The following UBOX5 variants were observed in gnomAD, a reference collection of about 807,000 sequenced individuals.
The protein encoded by UBOX5 is RING finger protein 37.
A neutral mutation model predicts 39.0 loss-of-function variants in UBOX5; 28 were observed. The observed-to-expected ratio is 0.72, with a 90% CI of 0.53 to 0.98. UBOX5 has a LOEUF of 0.98. Ranked by LOEUF, UBOX5 falls within the 50% of genes least tolerant of loss-of-function variation. UBOX5 has a pLI of 0.00. For synonymous variants in UBOX5, 283 were observed against 275.5 expected, an observed-to-expected ratio of 1.03 and a Z score of -0.27; for missense variants, 585 against 674.4, an observed-to-expected ratio of 0.87 and a Z score of 1.47.
At chr20:3,150,055 C>T (rs1402100532) in intron 1 of UBOX5, among the ~76,000 whole-genome samples, 3 of 151,880 alleles carry the variant, frequency 2.0e-5, no homozygotes, top group East Asian at 1.9e-4. Flanking sequence ...GTTATACCTA[C>T]GATAACCCTC....
At chr20:3,143,215 T>C (rs1471156612) in intron 1 of UBOX5, among the ~76,000 whole-genome samples, 2 of 150,464 alleles carry the variant, frequency 1.3e-5, no homozygotes, top group Non-Finnish European at 2.9e-5. Context: ...GCTCAAGTGA[T>C]TCTCATGCTT....
At chr20:3,130,488 G>C (rs1420632077) in intron 1 of UBOX5, among the ~76,000 whole-genome samples, 1 of 151,894 alleles carries the variant, frequency 6.6e-6, no homozygotes, top group Non-Finnish European at 1.5e-5. Context: ...GGAACTACAG[G>C]TATGGGTCAC....
chr20:3,112,731 G>A (rs1236470686), intron 4 of UBOX5, among the ~76,000 whole-genome samples: 1 of 152,098 alleles, frequency 6.6e-6, no homozygotes, highest in South Asian at 2.1e-4. Flanking sequence ...CTGGGAGGCC[G>A]AGGTGGGTGG....
In UBOX5 at chr20:3,149,273, T is replaced by A; in HGVS notation, c.-42+10493A>T. On this transcript the variant is annotated intron_variant, in intron 1 of 4. Coordinates refer to ENST00000217173, the MANE Select transcript of UBOX5 (RefSeq NM_014948.4). This position sits in a 1 kb window ranked among gnomAD's most constrained non-coding sequence, Gnocchi z 4.1. ...TTGGTGCCAGATACTGAAAAAAGGG[T>A]AGATGAAGAATGAGTGGCTTCTACC... 1.8e-6 allele frequency: 1 copy of A among 568,056 alleles called. No individual in the cohort carries two copies. Among genetic ancestry groups the A allele is most frequent in the Non-Finnish European group, 3.1e-6 (1 of 321,810 alleles). 35.2% of individuals were successfully genotyped at this position (568,056 alleles called of 1,614,324 possible).
In UBOX5 at chr20:3,125,843, C is replaced by T. The variant is rs190709666; in HGVS notation, c.-41-2437G>A. Among the ~76,000 whole-genome samples, 707 of 149,906 alleles carry T rather than the reference C, an allele frequency of 4.7e-3. 2 individuals are homozygous for T. Among genetic ancestry groups the T allele is most frequent in the African/African-American group, 0.016 (667 of 40,688 alleles). ...GAGGAGCGCCTCTGCCCGGCTGCCC[C>T]GTTTGGGATGTGAGGAGCGCCTCTG... On this transcript the variant is annotated intron_variant, in intron 1 of 4. Transcript: ENST00000217173.
At chr20:3,113,156 G>A (rs900886666) in intron 4 of UBOX5, among the ~76,000 whole-genome samples, 4 of 151,028 alleles carry the variant, frequency 2.6e-5, no homozygotes, top group Admixed American at 6.6e-5. Context: ...GCTTGGTGGC[G>A]TTTGCCTGTA....
At chr20:3,137,136 G>C (rs183775879) in intron 1 of UBOX5, among the ~76,000 whole-genome samples, 1 of 151,222 alleles carries the variant, frequency 6.6e-6, no homozygotes, top group African/African-American at 2.4e-5. Context: ...GTAGAGACAG[G>C]GTTTCACCAT....
chr20:3,149,523 A>G lies in UBOX5; in HGVS notation c.-42+10243T>C, dbSNP rs1322923012. The stretch of plus-strand genomic sequence containing the variant: ...ACTTCCTTCACTGTACAAGGCAAGC[A>G]GTGACGGCTAAAGAAGAGACGGTGC... On this transcript the variant is annotated intron_variant, in intron 1 of 4. Coordinates refer to ENST00000217173, the MANE Select transcript of UBOX5 (RefSeq NM_014948.4). This position sits in a 1 kb window ranked among gnomAD's most constrained non-coding sequence, Gnocchi z 4.1. Among the ~76,000 whole-genome samples the G allele has an allele frequency of 6.6e-6, 1 of 152,204 alleles. No homozygotes were observed. The highest frequency in any genetic ancestry group is 1.5e-5 in the Non-Finnish European group (1 of 68,036).
intron 1 of UBOX5, chr20:3,146,861 T>C (rs1272726938): frequency 6.2e-7 from 1 of 1,614,066 alleles, no homozygotes; most frequent in Non-Finnish European, 8.5e-7. Flanking sequence ...CCATTCCCAG[T>C]AGGATAACTC....
At chr20:3,114,751 C>T (rs796548043) in intron 4 of UBOX5, among the ~76,000 whole-genome samples, 1 of 152,128 alleles carries the variant, frequency 6.6e-6, no homozygotes, top group African/African-American at 2.4e-5. Context: ...AGTTCGAGAC[C>T]AGCCTGGCAA....
intron 1 of UBOX5, among the ~76,000 whole-genome samples, chr20:3,131,962 C>T (rs7265778): frequency 1.2e-4 from 17 of 136,118 alleles, no homozygotes; most frequent in Admixed American, 2.5e-4. Flanking sequence ...GAGCCGAGAT[C>T]GAGCCACTGC....
intron 1 of UBOX5, chr20:3,146,900 T>C (rs765169788): frequency 1.2e-6 from 2 of 1,614,102 alleles, no homozygotes; most frequent in East Asian, 4.5e-5. Context: ...CCGAGCCAGC[T>C]GCCGCCTCTT....
chr20:3,119,818 C>A (rs143184722), intron 3 of UBOX5, among the ~76,000 whole-genome samples: 1 of 152,038 alleles, frequency 6.6e-6, no homozygotes, highest in Non-Finnish European at 1.5e-5. Flanking sequence ...TGCGCCATTG[C>A]ACTCCAGCCT....
chr20:3,136,659 T>C (rs1245292314), intron 1 of UBOX5, among the ~76,000 whole-genome samples: 1 of 150,054 alleles, frequency 6.7e-6, no homozygotes, highest in Non-Finnish European at 1.5e-5. Flanking sequence ...CCGGCCTTAA[T>C]ATTACTATTA....
At chr20:3,115,891 G>A (rs1375329162) in intron 3 of UBOX5, among the ~76,000 whole-genome samples, 1 of 150,468 alleles carries the variant, frequency 6.6e-6, no homozygotes, top group Non-Finnish European at 1.5e-5. Flanking sequence ...AGCCTCCCAA[G>A]TAGCTGGGAC....
At chr20:3,112,003 A>G (rs1203525830) in intron 4 of UBOX5, among the ~76,000 whole-genome samples, 1 of 152,188 alleles carries the variant, frequency 6.6e-6, no homozygotes, top group Admixed American at 6.5e-5. Context: ...GCCAGGAAAG[A>G]GTGGCCTGGC....
intron 3 of UBOX5, 131 bp from the exon 4 acceptor site, chr20:3,115,597 T>C (rs2066287664): frequency 2.9e-6 from 3 of 1,039,580 alleles, no homozygotes; most frequent in South Asian, 1.8e-5. Flanking sequence ...TCCATCCTAA[T>C]GTCTACTGGC....
chr20:3,120,633 G>C (rs576340358), intron 3 of UBOX5, among the ~76,000 whole-genome samples: 19 of 147,506 alleles, frequency 1.3e-4, no homozygotes, highest in Non-Finnish European at 1.9e-4. Flanking sequence ...GCGACACAGC[G>C]AGACTCCATC....
At chr20:3,133,445 G>C (rs1010898566) in intron 1 of UBOX5, among the ~76,000 whole-genome samples, 1 of 152,120 alleles carries the variant, frequency 6.6e-6, no homozygotes, top group Non-Finnish European at 1.5e-5. Context: ...GAAAGACAAG[G>C]CTTGAGTATA....
Sources: allele counts gnomAD v4.1 joint callset (sites outside exome capture counted in the v4.1 genomes callset), GRCh38; gene constraint gnomAD v4.1.1; non-coding constraint Gnocchi (gnomAD v3.1); transcripts MANE v1.5; gene names NCBI Gene and HGNC (gene_info 2026-07-23, HGNC 2026-07-21).